SLC7A14: variants seen among roughly 807,000 people sequenced by gnomAD.
SLC7A14 encodes gamma-aminobutyric acid transporter SLC7A14.
A neutral mutation model predicts 60.2 loss-of-function variants in SLC7A14; 37 were observed. The observed-to-expected ratio is 0.61, with a 90% CI of 0.47 to 0.81. The LOEUF (loss-of-function observed/expected upper bound fraction) is 0.81, where lower values mean the gene tolerates loss of function less well. SLC7A14 is among the 30% of genes least tolerant of loss of function. The probability of loss-of-function intolerance (pLI) is 0.00; values close to 1 mark genes in which losing one functional copy is unlikely to be tolerated. For missense variants in SLC7A14, 886 were observed against 982.7 expected, an observed-to-expected ratio of 0.90 and a Z score of 1.32; for synonymous variants, 399 against 395.8, an observed-to-expected ratio of 1.01 and a Z score of -0.10.
In SLC7A14 at chr3:170,462,996, A is replaced by C. The variant is rs537985776; in HGVS notation, c.*4059T>G. 514 of 152,206 alleles carry C rather than the reference A, an allele frequency of 3.4e-3. 2 individuals are homozygous for C. Among genetic ancestry groups the C allele is most frequent in the African/African-American group, 0.012 (494 of 41,538 alleles). 9.4% of individuals were successfully genotyped at this position (152,206 alleles called of 1,614,324 possible). Reference sequence around the variant, plus strand: ...ATTTGGAGTGTATATGTGGCTTGTTAGTTCCTTGCATAGGTAAGGAAGCCA... The same window carrying C: ...ATTTGGAGTGTATATGTGGCTTGTTCGTTCCTTGCATAGGTAAGGAAGCCA... On this transcript the variant is annotated 3_prime_UTR_variant, in exon 8 of 8. Transcript: ENST00000231706.
chr3:170,474,906 G>A (rs1452409031), intron 7 of SLC7A14, among the ~76,000 whole-genome samples: 4 of 152,166 alleles, frequency 2.6e-5, no homozygotes. Flanking sequence ...TCTAACAGGT[G>A]GTTACATTAT....
intron 5 of SLC7A14, among the ~76,000 whole-genome samples, chr3:170,485,832 A>G (rs1712010144): frequency 4.6e-5 from 7 of 152,202 alleles, no homozygotes; most frequent in Admixed American, 4.6e-4. Flanking sequence ...GGAAGCTCCC[A>G]GAAGACAGAA....
At chr3:170,562,015 A>G (rs1163254819) in intron 1 of SLC7A14, among the ~76,000 whole-genome samples, 8 of 152,268 alleles carry the variant, frequency 5.3e-5, no homozygotes, top group Non-Finnish European at 7.3e-5. Context: ...GGATGCGGTG[A>G]AAAGGAAACA....
chr3:170,487,043 T>C (rs926131451), intron 4 of SLC7A14, among the ~76,000 whole-genome samples: 2 of 149,370 alleles, frequency 1.3e-5, no homozygotes, highest in African/African-American at 4.9e-5. Context: ...AGACATTCTA[T>C]TGTCTTCACT....
At position 170,542,336 on chromosome 3, in the gene SLC7A14, C is replaced by CG. The variant is rs1339804858; in HGVS notation, c.-152-15249_-152-15248insC. 2.0e-5 allele frequency among the ~76,000 whole-genome samples: 3 copies of CG among 152,174 alleles called. No individual in the cohort carries two copies. In the East Asian group the frequency reaches 5.8e-4, roughly 29 times the overall value. On this transcript the variant is annotated intron_variant, in intron 1 of 7. Transcript: ENST00000231706. ...CAACTAATTGTGTTAATTTCATGGA[C>CG]TGTCCTAAGAATTCTAAGTATCCTC...
chr3:170,577,624 C>CAAAAAAAAAA (rs56357954), intron 1 of SLC7A14, among the ~76,000 whole-genome samples: 1 of 52,058 alleles, frequency 1.9e-5, no homozygotes, highest in Non-Finnish European at 4.3e-5. Context: ...GACTCCGTCT[C>CAAAAAAAAAA]AAAAAAAAAA....
chr3:170,513,504 G>A (rs1713052437), intron 2 of SLC7A14, among the ~76,000 whole-genome samples: 1 of 152,196 alleles, frequency 6.6e-6, no homozygotes, highest in Non-Finnish European at 1.5e-5. Context: ...GTGCAAATAT[G>A]TGTATATGCA....
chr3:170,487,869 T>C (rs992847660), intron 4 of SLC7A14, among the ~76,000 whole-genome samples: 9 of 152,250 alleles, frequency 5.9e-5, no homozygotes, highest in African/African-American at 2.2e-4. Context: ...GTTATGAATG[T>C]AGGTGACAAA....
chr3:170,510,944 G>A (rs934504181), intron 2 of SLC7A14, among the ~76,000 whole-genome samples: 2 of 152,296 alleles, frequency 1.3e-5, no homozygotes, highest in African/African-American at 4.8e-5. Context: ...AGAGAATGCC[G>A]AGGCCAGCAT....
At chr3:170,510,921 C>T (rs1043356351) in intron 2 of SLC7A14, among the ~76,000 whole-genome samples, 3 of 152,222 alleles carry the variant, frequency 2.0e-5, no homozygotes, top group African/African-American at 7.2e-5. Context: ...ATTTGATGCT[C>T]AGACAACCTG....
intron 1 of SLC7A14, among the ~76,000 whole-genome samples, chr3:170,568,328 G>A (rs1256533184): frequency 6.6e-6 from 1 of 152,188 alleles, no homozygotes; most frequent in Non-Finnish European, 1.5e-5. Flanking sequence ...TAGATATGCG[G>A]TGTTATTTCT....
chr3:170,515,520 C>T (rs889106121), intron 2 of SLC7A14, among the ~76,000 whole-genome samples: 4 of 151,742 alleles, frequency 2.6e-5, no homozygotes, highest in Admixed American at 1.3e-4. Flanking sequence ...TTTCCCAAGT[C>T]ATACAAGGAG....
intron 2 of SLC7A14, chr3:170,503,090 A>G (rs567188318): frequency 6.6e-6 from 1 of 152,270 alleles, no homozygotes; most frequent in East Asian, 1.9e-4. Context: ...GCTGTCAGGG[A>G]TAGTGAAGCT....
chr3:170,562,775 G>A (rs1279869303), intron 1 of SLC7A14, among the ~76,000 whole-genome samples: 1 of 151,148 alleles, frequency 6.6e-6, no homozygotes, highest in Admixed American at 6.6e-5. Context: ...TCTTTTTTTT[G>A]AGACAGAGCC....
At chr3:170,544,252 C>T (rs905643116) in intron 1 of SLC7A14, among the ~76,000 whole-genome samples, 7 of 151,832 alleles carry the variant, frequency 4.6e-5, no homozygotes, top group African/African-American at 1.5e-4. Context: ...GAACTCCTCT[C>T]GGGACACATT....
intron 7 of SLC7A14, among the ~76,000 whole-genome samples, chr3:170,475,078 G>C (rs941567005): frequency 3.9e-5 from 6 of 152,204 alleles, no homozygotes; most frequent in Non-Finnish European, 8.8e-5. Flanking sequence ...GAAAATGAAG[G>C]CTGCTTTGTG....
intron 1 of SLC7A14, among the ~76,000 whole-genome samples, chr3:170,582,982 A>G (rs981643354): frequency 6.6e-6 from 1 of 152,236 alleles, no homozygotes; most frequent in East Asian, 1.9e-4. Flanking sequence ...GTGATAATTC[A>G]GTAAAATGAT....
intron 1 of SLC7A14, among the ~76,000 whole-genome samples, chr3:170,576,190 G>A (rs2108317255): frequency 6.6e-6 from 1 of 152,298 alleles, no homozygotes; most frequent in South Asian, 2.1e-4. Context: ...CATGTGTCAT[G>A]TTGCATACAT....
chr3:170,571,856 T>G (rs1319828648), intron 1 of SLC7A14, among the ~76,000 whole-genome samples: 1 of 151,930 alleles, frequency 6.6e-6, no homozygotes, highest in African/African-American at 2.4e-5. Flanking sequence ...GTCATGGGCT[T>G]GAGACCAGCC....
Sources: allele counts gnomAD v4.1 joint callset (sites outside exome capture counted in the v4.1 genomes callset), GRCh38; gene constraint gnomAD v4.1.1; transcripts MANE v1.5; gene names NCBI Gene and HGNC (gene_info 2026-07-23, HGNC 2026-07-21).